The following ZNF133 variants were observed in gnomAD, a reference collection of about 807,000 sequenced individuals.
The protein encoded by ZNF133 is zinc finger protein 133.
Under a neutral mutation model 54.9 loss-of-function variants are expected in ZNF133, and 26 were observed. The observed-to-expected ratio is 0.47, with a 90% confidence interval of 0.35 to 0.66. The LOEUF (loss-of-function observed/expected upper bound fraction) is 0.66. Among genes scored for constraint, ZNF133 ranks in the 30% least tolerant of loss-of-function variants. The probability of loss-of-function intolerance (pLI) is 0.01; values close to 1 mark genes in which losing one functional copy is unlikely to be tolerated. For missense variants in ZNF133, 653 were observed against 820.8 expected, an observed-to-expected ratio of 0.80 and a Z score of 2.50; for synonymous variants, 298 against 320.3, an observed-to-expected ratio of 0.93 and a Z score of 0.74.
intron 1 of ZNF133, among the ~76,000 whole-genome samples, chr20:18,297,162 T>C (rs1177165821): frequency 6.6e-6 from 1 of 152,188 alleles, no homozygotes; most frequent in Non-Finnish European, 1.5e-5. Context: ...TATTACTTCT[T>C]TGTCTGTTTT....
At chr20:18,308,398 A>G (rs915633406) in intron 6 of ZNF133, among the ~76,000 whole-genome samples, 1 of 152,174 alleles carries the variant, frequency 6.6e-6, no homozygotes, top group Non-Finnish European at 1.5e-5. Flanking sequence ...TTCATCTGTT[A>G]GAAGGAATCC....
chr20:18,301,422 CA>C (rs1568753102), intron 3 of ZNF133, among the ~76,000 whole-genome samples: 1 of 151,974 alleles, frequency 6.6e-6, no homozygotes, highest in Non-Finnish European at 1.5e-5. Context: ...AACACTGGAG[CA>C]GAGTCAAATA....
intron 6 of ZNF133, among the ~76,000 whole-genome samples, chr20:18,311,292 C>G (rs976485431): frequency 6.6e-6 from 1 of 152,118 alleles, no homozygotes; most frequent in Non-Finnish European, 1.5e-5. Context: ...GCACTTCAGC[C>G]TGGGCCACAG....
intron 6 of ZNF133, among the ~76,000 whole-genome samples, chr20:18,308,029 A>G (rs1254500693): frequency 6.6e-6 from 1 of 152,152 alleles, no homozygotes; most frequent in Non-Finnish European, 1.5e-5. Flanking sequence ...GTATATATCC[A>G]TATGTTTATG....
intron 1 of ZNF133, among the ~76,000 whole-genome samples, chr20:18,292,005 T>C (rs1354572723): frequency 6.6e-6 from 1 of 152,192 alleles, no homozygotes; most frequent in African/African-American, 2.4e-5. Flanking sequence ...GCATTTCAGC[T>C]CTTTCCTTCA....
chr20:18,292,067 C>A (rs73114302), intron 1 of ZNF133, among the ~76,000 whole-genome samples: 10,809 of 152,128 alleles, frequency 0.071, 479 homozygotes, highest in Non-Finnish European at 0.089. Flanking sequence ...TGCTCTTATA[C>A]CCTCATCCAC....
At chr20:18,291,751 C>T (rs1456450548) in intron 1 of ZNF133, among the ~76,000 whole-genome samples, 7 of 149,104 alleles carry the variant, frequency 4.7e-5, no homozygotes, top group Non-Finnish European at 8.9e-5. Context: ...CTCGCTCTAT[C>T]GCCCAGGCTG....
chr20:18,307,666 GT>G (rs1373141573), intron 6 of ZNF133, among the ~76,000 whole-genome samples: 7 of 152,010 alleles, frequency 4.6e-5, no homozygotes, highest in Admixed American at 4.6e-4. Flanking sequence ...AATCCCACAG[GT>G]TATAGATCCT....
At chr20:18,302,751 G>A (rs532313427) in intron 3 of ZNF133, among the ~76,000 whole-genome samples, 22 of 152,222 alleles carry the variant, frequency 1.4e-4, no homozygotes, top group African/African-American at 5.1e-4. Flanking sequence ...AGTTATCTGA[G>A]TTTGCAGGTG....
intron 3 of ZNF133, among the ~76,000 whole-genome samples, chr20:18,302,158 TG>T (rs961225363): frequency 6.6e-6 from 1 of 152,052 alleles, no homozygotes. Flanking sequence ...CCCAGCACTT[TG>T]GGGGGCCGAG....
intron 1 of ZNF133, among the ~76,000 whole-genome samples, chr20:18,290,724 C>G (rs2040773266): frequency 6.6e-6 from 1 of 152,150 alleles, no homozygotes; most frequent in East Asian, 1.9e-4. Context: ...CATTTCTCCT[C>G]CTATTTCTTC....
chr20:18,316,822 A>G lies in ZNF133; in HGVS notation c.*6A>G. 6.3e-7 allele frequency: 1 copy of G among 1,596,944 alleles called. No homozygotes were observed. The highest frequency in any genetic ancestry group is 8.5e-7 in the Non-Finnish European group (1 of 1,170,232). On this transcript the variant is annotated 3_prime_UTR_variant, in exon 7 of 7. Coordinates refer to ENST00000425686, the MANE Select transcript of ZNF133 (RefSeq NM_001352452.2). ...ATTCCTTATACTCTCTCTGAAGGCA[A>G]AGATGGGGACAAGGACTAAGAGTCA...
At position 18,306,386 on chromosome 20, in the gene ZNF133, C is replaced by A. The variant is rs1335851228; in HGVS notation, c.210C>A (p.Thr70=). ...AGGAAAAAAAATGTTCACCGGCAAC[C>A]TGTCCAGGTGAGTGGGAAAACACTG... ...WREEKKCSPA[T]CPADPEPELY... Residue 70 remains threonine (T), a synonymous_variant, in exon 6 of 7, where the codon ACC becomes ACA. Coordinates refer to ENST00000425686, the MANE Select transcript of ZNF133 (RefSeq NM_001352452.2). The A allele has an allele frequency of 6.2e-7, 1 of 1,613,008 alleles. No homozygotes were observed. The highest frequency in any genetic ancestry group is 8.5e-7 in the Non-Finnish European group (1 of 1,179,528).
chr20:18,316,290 A>G lies in ZNF133; in HGVS notation c.1439A>G (p.Asn480Ser), dbSNP rs774034772. Reference sequence around the variant, plus strand: ...GGCCGGGGCTTCAGCCAGCAATCCAACCTCATCAGACACCAGAGGACGCAC... The same window carrying G: ...GGCCGGGGCTTCAGCCAGCAATCCAGCCTCATCAGACACCAGAGGACGCAC... The part of the protein sequence containing the change: ...DCGRGFSQQS[N>S]LIRHQRTHSG... Residue 480 changes from asparagine to serine, a missense_variant, in exon 7 of 7, where the codon AAC (asparagine) becomes AGC (serine). Transcript: ENST00000425686. 66 of 1,609,926 alleles carry G rather than the reference A, an allele frequency of 4.1e-5. No homozygotes were observed. Among genetic ancestry groups the G allele is most frequent in the South Asian group, 1.7e-4 (15 of 90,878 alleles).
At chr20:18,291,299 T>C (rs182924322) in intron 1 of ZNF133, among the ~76,000 whole-genome samples, 1 of 152,330 alleles carries the variant, frequency 6.6e-6, no homozygotes, top group Non-Finnish European at 1.5e-5. Context: ...TAGTAAGGCT[T>C]TTTCAAGTGA....
intron 6 of ZNF133, among the ~76,000 whole-genome samples, chr20:18,307,250 G>A (rs1034571359): frequency 2.6e-5 from 4 of 152,130 alleles, no homozygotes; most frequent in Admixed American, 2.0e-4. Context: ...TTGAAAATCC[G>A]AGTTTACCTT....
rs765857117 is a variant in ZNF133 at position 18,315,105 on chromosome 20, G to A, written c.254G>A (p.Cys85Tyr). 1.9e-6 allele frequency: 3 copies of A among 1,559,056 alleles called. No individual in the cohort carries two copies. The highest frequency in any genetic ancestry group is 1.2e-5 in the South Asian group (1 of 81,128). ...CCAGAGCTCTACCTCGATCCTTTCTGCCCTCCGGGTTTCTCCAGTCAGAAA... is the reference window on the plus strand; with the variant it reads ...CCAGAGCTCTACCTCGATCCTTTCTACCCTCCGGGTTTCTCCAGTCAGAAA... Reference protein sequence around the residue: ...PEPELYLDPFCPPGFSSQKFP... With the variant: ...PEPELYLDPFYPPGFSSQKFP... Residue 85 changes from cysteine to tyrosine, a missense_variant, in exon 7 of 7, where the codon TGC becomes TAC. This residue lies in a region of ZNF133 where 227 missense variants were observed against 233.9 expected (regional missense o/e 0.97). Transcript: ENST00000425686.
chr20:18,303,422 A>AT (rs2043866609), intron 3 of ZNF133, among the ~76,000 whole-genome samples: 1 of 152,094 alleles, frequency 6.6e-6, no homozygotes, highest in Non-Finnish European at 1.5e-5. Context: ...AAAAATAACA[A>AT]TTTTTTTAAT....
Position 18,305,626 on chromosome 20 carries a change from C to G in ZNF133, c.-6-55C>G. 1 of 1,612,954 alleles carries G rather than the reference C, an allele frequency of 6.2e-7. No homozygotes were observed. The highest frequency in any genetic ancestry group is 1.1e-5 in the South Asian group (1 of 90,940). On this transcript the variant is annotated intron_variant, in intron 4 of 6. Transcript: ENST00000425686. The surrounding 1 kb of genome is among the most constrained non-coding windows in gnomAD (Gnocchi z 4.7). ...GGGCAGCCTTATCCCTGCCCCTCAC[C>G]CTGCCATGGGCAAGGCTGGCTTCTG...
Sources: gnomAD v4.1 joint callset for allele counts (sites outside exome capture counted in the v4.1 genomes callset) on GRCh38, gnomAD v4.1.1 for gene constraint, gnomAD v4.1.1 regional missense constraint, Gnocchi (gnomAD v3.1) non-coding constraint, MANE v1.5 for transcripts, NCBI Gene and HGNC (gene_info 2026-07-23, HGNC 2026-07-21) for gene names.